HMGCLL1: variants seen among roughly 807,000 people sequenced by gnomAD.
HMGCLL1 encodes the protein 3-hydroxymethyl-3-methylglutaryl-CoA lyase, cytoplasmic.
A neutral mutation model predicts 39.1 loss-of-function variants in HMGCLL1; 36 were observed. That is an observed-to-expected ratio of 0.92 (90% confidence interval 0.71 to 1.22). HMGCLL1 has a LOEUF of 1.22. Ranked by LOEUF, HMGCLL1 falls within the 50% of genes most tolerant of loss-of-function variation. The pLI, the probability that HMGCLL1 is intolerant of heterozygous loss-of-function variation, is 0.00. For missense variants in HMGCLL1, 451 were observed against 416.5 expected, an observed-to-expected ratio of 1.08 and a Z score of -0.72; for synonymous variants, 149 against 144.0, an observed-to-expected ratio of 1.03 and a Z score of -0.25.
chr6:55,571,828 A>T (rs182736734), intron 1 of HMGCLL1, among the ~76,000 whole-genome samples: 95 of 152,190 alleles, frequency 6.2e-4, no homozygotes, highest in African/African-American at 2.2e-3. Context: ...AAAATAAAAA[A>T]TAATAGATCA....
chr6:55,563,965 T>C, intron 1 of HMGCLL1: 2 of 924,098 alleles, frequency 2.2e-6, no homozygotes, highest in Non-Finnish European at 3.0e-6. Flanking sequence ...TGAAAACTTC[T>C]GGCTACCTCA....
At chr6:55,592,631 T>A in the HMGCLL1 span, among the ~76,000 whole-genome samples, 2 of 152,080 alleles carry the variant, frequency 1.3e-5, no homozygotes, top group Non-Finnish European at 2.9e-5. Flanking sequence ...AGCAAAAATA[T>A]ATTTGGACAT....
chr6:55,542,033 C>G, intron 2 of HMGCLL1, 27 bp downstream of exon 2: 2 of 1,348,420 alleles, frequency 1.5e-6, no homozygotes, highest in Non-Finnish European at 1.1e-6. Flanking sequence ...TTGTAGACAG[C>G]ATTTGAAGTA....
the HMGCLL1 span, among the ~76,000 whole-genome samples, chr6:55,676,152 C>T: frequency 1.3e-5 from 2 of 152,090 alleles, no homozygotes; most frequent in Non-Finnish European, 2.9e-5. Flanking sequence ...ATACCAAACA[C>T]CACTCATTTT....
chr6:55,547,569 A>T (rs1048287953), intron 1 of HMGCLL1, among the ~76,000 whole-genome samples: 4 of 82,204 alleles, frequency 4.9e-5, no homozygotes, highest in Non-Finnish European at 1.2e-4. Context: ...GTCTTTATGA[A>T]TATTGAAATA....
At chr6:55,613,878 C>A in the HMGCLL1 span, among the ~76,000 whole-genome samples, 1 of 152,014 alleles carries the variant, frequency 6.6e-6, no homozygotes, top group Non-Finnish European at 1.5e-5. Flanking sequence ...CCATGGCATA[C>A]CTTTACCTAT....
chr6:55,460,498 A>G (rs971076447), intron 7 of HMGCLL1, among the ~76,000 whole-genome samples: 1 of 151,872 alleles, frequency 6.6e-6, no homozygotes, highest in Admixed American at 6.6e-5. Flanking sequence ...TTATAACAAA[A>G]AGCGTATGTT....
At chr6:55,626,453 G>T in the HMGCLL1 span, among the ~76,000 whole-genome samples, 1 of 152,054 alleles carries the variant, frequency 6.6e-6, no homozygotes, top group African/African-American at 2.4e-5. Flanking sequence ...ATGGCTTTTT[G>T]AAGTCGCAAT....
chr6:55,488,677 G>T (rs575250525), intron 7 of HMGCLL1, among the ~76,000 whole-genome samples: 2 of 152,046 alleles, frequency 1.3e-5, no homozygotes, highest in South Asian at 4.2e-4. Context: ...CCAACTGTTT[G>T]ACTTAAGATT....
chr6:55,656,291 T>A, the HMGCLL1 span, among the ~76,000 whole-genome samples: 1 of 152,020 alleles, frequency 6.6e-6, no homozygotes, highest in African/African-American at 2.4e-5. Flanking sequence ...GGTCTGAATT[T>A]ATGGATTATG....
At chr6:55,605,921 T>A in the HMGCLL1 span, among the ~76,000 whole-genome samples, 1 of 152,290 alleles carries the variant, frequency 6.6e-6, no homozygotes, top group South Asian at 2.1e-4. Context: ...GTAATTTCCC[T>A]CCAGCAAAAT....
chr6:55,441,082 GGA>G (rs74271456), intron 7 of HMGCLL1, among the ~76,000 whole-genome samples: 1 of 151,904 alleles, frequency 6.6e-6, no homozygotes, highest in Non-Finnish European at 1.5e-5. Context: ...ATGCAATGCA[GGA>G]GAGAGAGACT....
Position 55,462,813 on chromosome 6 carries a change from C to T in HMGCLL1, c.796-23254G>A, listed in dbSNP as rs1246733208. On this transcript the variant is annotated intron_variant, in intron 7 of 8. Coordinates refer to ENST00000274901, the MANE Select transcript of HMGCLL1 (RefSeq NM_001042406.2). ...TTCTAGGTAGTATATTGCTGCTATA[C>T]ATTTCAGTCAATAGGCTTCTCAGGA... Among the ~76,000 whole-genome samples, 8 of 152,228 alleles carry T rather than the reference C, an allele frequency of 5.3e-5. No individual in the cohort carries two copies. In the East Asian group the frequency reaches 1.5e-3, roughly 29 times the overall value.
the HMGCLL1 span, among the ~76,000 whole-genome samples, chr6:55,637,656 G>A: frequency 4.0e-5 from 6 of 151,614 alleles, no homozygotes; most frequent in Admixed American, 3.3e-4. Context: ...AATAGTGAAT[G>A]CTCAGCATGA....
Position 55,486,039 on chromosome 6 carries a change from T to A in HMGCLL1, c.795+9380A>T, listed in dbSNP as rs182804687. 2.1e-4 allele frequency among the ~76,000 whole-genome samples: 31 copies of A among 150,386 alleles called. No individual in the cohort carries two copies. The East Asian group carries it at 5.9e-3, about 29-fold the overall frequency. ...GTTAAATTAACATACACATTTAACA[T>A]ACACACAAGTTAAGGGTAGGCTATG... is the stretch of plus-strand genomic sequence containing the variant. On this transcript the variant is annotated intron_variant, in intron 7 of 8. Transcript: ENST00000274901.
At chr6:55,594,244 C>G in the HMGCLL1 span, among the ~76,000 whole-genome samples, 1 of 152,154 alleles carries the variant, frequency 6.6e-6, no homozygotes, top group African/African-American at 2.4e-5. Context: ...TTCTTTCCTT[C>G]TCACTAGTTC....
the HMGCLL1 span, among the ~76,000 whole-genome samples, chr6:55,678,505 G>C: frequency 2.0e-5 from 3 of 152,124 alleles, no homozygotes; most frequent in Admixed American, 6.6e-5. Flanking sequence ...CACCTAAGCT[G>C]TCAAGTACAA....
chr6:55,676,780 T>C, the HMGCLL1 span, among the ~76,000 whole-genome samples: 4 of 152,230 alleles, frequency 2.6e-5, no homozygotes, highest in Non-Finnish European at 4.4e-5. Context: ...ATGTAATAGC[T>C]TGGTTTTAAG....
intron 5 of HMGCLL1, among the ~76,000 whole-genome samples, chr6:55,502,846 T>A (rs1291562888): frequency 1.3e-5 from 2 of 151,714 alleles, no homozygotes; most frequent in African/African-American, 4.8e-5. Context: ...ATTTTTCTCA[T>A]CCACAAAGAT....
Sources: allele counts gnomAD v4.1 joint callset (sites outside exome capture counted in the v4.1 genomes callset), GRCh38; gene constraint gnomAD v4.1.1; transcripts MANE v1.5; gene names NCBI Gene and HGNC (gene_info 2026-07-23, HGNC 2026-07-21).